The following TPTE2 variants were observed in gnomAD, a reference collection of about 807,000 sequenced individuals.
TPTE2 encodes phosphatidylinositol 3,4,5-trisphosphate 3-phosphatase TPTE2.
TPTE2 carries 53 observed loss-of-function variants against 78.6 expected under a neutral mutation model. The ratio of observed to expected loss-of-function variants is 0.67; its 90% CI spans 0.54 to 0.85. The LOEUF (loss-of-function observed/expected upper bound fraction) is 0.85. TPTE2 is among the 40% of genes least tolerant of loss of function. The probability of loss-of-function intolerance (pLI) is 0.00; values close to 1 mark genes in which losing one functional copy is unlikely to be tolerated. For missense variants in TPTE2, 461 were observed against 623.0 expected (o/e 0.74, Z 2.77); for synonymous variants, 175 against 206.2 (o/e 0.85, Z 1.30).
the TPTE2 span, among the ~76,000 whole-genome samples, chr13:19,545,043 A>G: frequency 1.3e-5 from 2 of 151,920 alleles, no homozygotes; most frequent in Admixed American, 1.3e-4. Context: ...GCTCCCTTGT[A>G]ACACCTACCA....
At chr13:19,539,077 C>A (rs943738476), upstream of TPTE2, among the ~76,000 whole-genome samples, 1 of 152,158 alleles carries the variant, frequency 6.6e-6, no homozygotes, top group Admixed American at 6.5e-5. Flanking sequence ...CAGTGCCCTC[C>A]CATGATAGCC....
intron 3 of TPTE2, among the ~76,000 whole-genome samples, chr13:19,489,570 C>T (rs1466479754): frequency 1.3e-5 from 2 of 148,976 alleles, no homozygotes; most frequent in African/African-American, 2.5e-5. Context: ...AAGAATATAT[C>T]TATACATAGA....
chr13:19,552,975 G>A, the TPTE2 span, among the ~76,000 whole-genome samples: 1 of 150,640 alleles, frequency 6.6e-6, no homozygotes, highest in African/African-American at 2.4e-5. Flanking sequence ...AATAAATTTT[G>A]TTTAAGGGTA....
chr13:19,438,100 T>C, exon 14 of TPTE2: 1 of 1,607,476 alleles, frequency 6.2e-7, no homozygotes, highest in Non-Finnish European at 8.5e-7. Context: ...ACCTCGGCAG[T>C]TAAAAATATT....
chr13:19,544,474 A>G, the TPTE2 span, among the ~76,000 whole-genome samples: 1 of 152,352 alleles, frequency 6.6e-6, no homozygotes, highest in African/African-American at 2.4e-5. Context: ...AGAGAGCAAT[A>G]AAGAGGATAT....
intron 14 of TPTE2, among the ~76,000 whole-genome samples, chr13:19,437,038 G>GACACACAC (rs376691875): frequency 0.1 from 14,640 of 145,482 alleles, 895 homozygotes; most frequent in East Asian, 0.18. Context: ...AAACCTAGGA[G>GACACACAC]ACACACACAC....
intron 16 of TPTE2, among the ~76,000 whole-genome samples, chr13:19,430,898 G>A (rs1876536863): frequency 6.6e-6 from 1 of 152,234 alleles, no homozygotes; most frequent in African/African-American, 2.4e-5. Context: ...AGGGCGAGGT[G>A]GGTGGATTAC....
chr13:19,473,265 A>G lies in TPTE2; in HGVS notation c.392+649T>C, dbSNP rs1278768365. On this transcript the variant is annotated intron_variant, in intron 6 of 19. Coordinates refer to ENST00000400230, the Ensembl canonical transcript of TPTE2. ...GCTCTACAGTCATCACATGGTAAAA[A>G]CAGCCAGGCCTGTGTCCTTCCCTTC... Among the ~76,000 whole-genome samples, 4 of 152,190 alleles carry G rather than the reference A, an allele frequency of 2.6e-5. No homozygotes were observed. In the East Asian group the frequency reaches 7.7e-4, roughly 29 times the overall value.
At chr13:19,424,880 G>A in intron 19 of TPTE2, 67 bp downstream of exon 22, 1 of 989,944 alleles carries the variant, frequency 1.0e-6, no homozygotes. Context: ...CAAAAGACTT[G>A]CCATTACACC....
At chr13:19,453,418 T>C (rs960319283) in intron 10 of TPTE2, among the ~76,000 whole-genome samples, 2 of 151,974 alleles carry the variant, frequency 1.3e-5, no homozygotes, top group African/African-American at 4.8e-5. Flanking sequence ...AAACAGTCAA[T>C]ATTTGCTTTT....
the TPTE2 span, chr13:19,561,323 G>C: frequency 1.4e-6 from 1 of 723,884 alleles, no homozygotes; most frequent in Non-Finnish European, 2.2e-6. Context: ...CACACGGCGG[G>C]GGCCGCTCCA....
intron 13 of TPTE2, among the ~76,000 whole-genome samples, chr13:19,439,604 T>C (rs1877358502): frequency 6.6e-6 from 1 of 152,188 alleles, no homozygotes. Context: ...TCTCTGGCAA[T>C]GCTTCCTACC....
At chr13:19,426,642 G>A (rs1876112671) in intron 17 of TPTE2, 125 bp from the exon 21 acceptor site, 194 of 558,380 alleles carry the variant, frequency 3.5e-4, no homozygotes, top group Admixed American at 1.5e-3. Context: ...ATCACTACAT[G>A]CATAAATAAT....
intron 13 of TPTE2, among the ~76,000 whole-genome samples, chr13:19,447,916 TC>T: frequency 6.6e-6 from 1 of 152,254 alleles, no homozygotes; most frequent in African/African-American, 2.4e-5. Context: ...CTCTGTTGGC[TC>T]CCTTAATCTA....
chr13:19,495,161 C>T (rs1022030199), intron 1 of TPTE2, among the ~76,000 whole-genome samples: 17 of 152,190 alleles, frequency 1.1e-4, no homozygotes, highest in African/African-American at 4.1e-4. Flanking sequence ...ACTTTTCACC[C>T]ATCCTAGTTG....
At chr13:19,541,736 A>G (rs1301606311), upstream of TPTE2, among the ~76,000 whole-genome samples, 2 of 152,162 alleles carry the variant, frequency 1.3e-5, no homozygotes, top group Admixed American at 1.3e-4. Flanking sequence ...CCATTGTTAA[A>G]TTACCCTGAC....
intron 1 of TPTE2, among the ~76,000 whole-genome samples, chr13:19,501,653 A>G (rs2137669635): frequency 6.6e-6 from 1 of 152,236 alleles, no homozygotes; most frequent in Admixed American, 6.5e-5. Flanking sequence ...AAATCAATTC[A>G]AGATGGATTA....
intron 1 of TPTE2, among the ~76,000 whole-genome samples, chr13:19,513,152 G>C (rs1362807478): frequency 3.9e-5 from 6 of 152,122 alleles, no homozygotes; most frequent in Non-Finnish European, 8.8e-5. Flanking sequence ...GGTTATAAAA[G>C]TACCAATTAT....
intron 1 of TPTE2, among the ~76,000 whole-genome samples, chr13:19,524,747 T>C (rs1408883307): frequency 6.6e-6 from 1 of 152,144 alleles, no homozygotes; most frequent in African/African-American, 2.4e-5. Flanking sequence ...AAAAAGATGA[T>C]GCTTGAGCTT....
Sources: allele counts gnomAD v4.1 joint callset (sites outside exome capture counted in the v4.1 genomes callset), GRCh38; gene constraint gnomAD v4.1.1; transcripts MANE v1.5; gene names NCBI Gene and HGNC (gene_info 2026-07-23, HGNC 2026-07-21).